Variants in TGFBR3 observed in about 807,000 individuals in gnomAD.
TGFBR3 encodes the protein transforming growth factor beta receptor 3.
Under a neutral mutation model 87.9 loss-of-function variants are expected in TGFBR3, and 46 were observed. The ratio of observed to expected loss-of-function variants is 0.52; its 90% CI spans 0.41 to 0.67. TGFBR3 has a LOEUF of 0.67. Ranked by LOEUF, TGFBR3 falls within the 30% of genes least tolerant of loss-of-function variation. The probability of loss-of-function intolerance (pLI) is 0.00; values close to 1 mark genes in which losing one functional copy is unlikely to be tolerated. For missense variants in TGFBR3, 866 were observed against 1,041.9 expected, an observed-to-expected ratio of 0.83 and a Z score of 2.32; for synonymous variants, 381 against 391.6, an observed-to-expected ratio of 0.97 and a Z score of 0.32.
intron 3 of TGFBR3, among the ~76,000 whole-genome samples, chr1:91,783,609 T>G (rs1425174144): frequency 6.6e-6 from 1 of 152,196 alleles, no homozygotes. Context: ...GACACACAAC[T>G]TCCTGTAGGA....
chr1:91,887,780 C>A (rs2479869), upstream of TGFBR3, among the ~76,000 whole-genome samples: 858 of 152,252 alleles, frequency 5.6e-3, 6 homozygotes, highest in African/African-American at 0.02. Context: ...CTCACTGAAC[C>A]ATTTTTTTCC....
At chr1:91,860,080 G>T (rs1303658261) in intron 2 of TGFBR3, among the ~76,000 whole-genome samples, 1 of 152,182 alleles carries the variant, frequency 6.6e-6, no homozygotes, top group African/African-American at 2.4e-5. Context: ...ACACAGAGGT[G>T]AAGAGCATAG....
At chr1:91,863,570 A>C (rs1678276656) in intron 1 of TGFBR3, among the ~76,000 whole-genome samples, 1 of 152,210 alleles carries the variant, frequency 6.6e-6, no homozygotes, top group Non-Finnish European at 1.5e-5. Flanking sequence ...ATTCTCTTTG[A>C]GCTATTTATA....
At chr1:91,845,733 A>G (rs866751994) in intron 2 of TGFBR3, among the ~76,000 whole-genome samples, 1 of 152,172 alleles carries the variant, frequency 6.6e-6, no homozygotes, top group African/African-American at 2.4e-5. Context: ...TTTAAACAGC[A>G]TCTTCCAACT....
chr1:91,794,257 G>A (rs958359422), intron 3 of TGFBR3, among the ~76,000 whole-genome samples: 6 of 151,664 alleles, frequency 4.0e-5, no homozygotes, highest in East Asian at 1.9e-4. Flanking sequence ...AGGCTGGAGT[G>A]CAGCAGCGCA....
chr1:91,796,419 G>A (rs1675384256), intron 3 of TGFBR3, among the ~76,000 whole-genome samples: 1 of 152,180 alleles, frequency 6.6e-6, no homozygotes, highest in African/African-American at 2.4e-5. Flanking sequence ...TAAATGCTGA[G>A]TAACTATGAG....
chr1:91,819,213 C>T (rs1369109961), intron 2 of TGFBR3, among the ~76,000 whole-genome samples: 1 of 152,070 alleles, frequency 6.6e-6, no homozygotes, highest in Non-Finnish European at 1.5e-5. Flanking sequence ...ACTAAGAATA[C>T]AAAAATTACC....
chr1:91,875,651 GC>G (rs1299523534), intron 1 of TGFBR3, among the ~76,000 whole-genome samples: 2 of 152,022 alleles, frequency 1.3e-5, no homozygotes, highest in East Asian at 3.9e-4. Flanking sequence ...ATTTTGGGAG[GC>G]TGAGGCAGGC....
intron 2 of TGFBR3, among the ~76,000 whole-genome samples, chr1:91,824,701 C>T (rs953617353): frequency 6.6e-6 from 1 of 152,172 alleles, no homozygotes; most frequent in Non-Finnish European, 1.5e-5. Context: ...GTAGCTCACA[C>T]CTGTAATCCC....
chr1:91,901,652 T>C (rs1053236296), intron 1 of TGFBR3, among the ~76,000 whole-genome samples: 3 of 151,930 alleles, frequency 2.0e-5, no homozygotes. Context: ...GCCAGGCTCA[T>C]GCCTGTAATC....
intron 3 of TGFBR3, among the ~76,000 whole-genome samples, chr1:91,796,539 C>G (rs1675388995): frequency 6.6e-6 from 1 of 152,162 alleles, no homozygotes; most frequent in South Asian, 2.1e-4. Context: ...GTACAAAGTA[C>G]CGCCATCTTT....
intron 2 of TGFBR3, among the ~76,000 whole-genome samples, chr1:91,851,158 G>C (rs888779917): frequency 2.6e-5 from 4 of 152,000 alleles, no homozygotes; most frequent in Non-Finnish European, 5.9e-5. Context: ...AGATGTTTAA[G>C]AGCTGGCAAG....
chr1:91,876,865 T>A (rs1678831097), intron 1 of TGFBR3, among the ~76,000 whole-genome samples: 1 of 152,036 alleles, frequency 6.6e-6, no homozygotes, highest in Non-Finnish European at 1.5e-5. Flanking sequence ...TTCTTTAAAA[T>A]GTGTGTCTAC....
intron 2 of TGFBR3, among the ~76,000 whole-genome samples, chr1:91,834,568 G>A (rs982899787): frequency 1.3e-5 from 2 of 152,154 alleles, no homozygotes; most frequent in African/African-American, 4.8e-5. Context: ...GTGGCTACTC[G>A]AGAAACAGCA....
intron 2 of TGFBR3, among the ~76,000 whole-genome samples, chr1:91,835,477 T>G (rs964050184): frequency 6.6e-6 from 1 of 152,110 alleles, no homozygotes; most frequent in Non-Finnish European, 1.5e-5. Flanking sequence ...AACAGGATAT[T>G]AGAAAGGTAG....
At chr1:91,817,982 T>C (rs1028627032) in intron 2 of TGFBR3, among the ~76,000 whole-genome samples, 1 of 152,244 alleles carries the variant, frequency 6.6e-6, no homozygotes, top group Middle Eastern at 3.4e-3. Context: ...ATAATGATCA[T>C]AAATAAAGCT....
intron 1 of TGFBR3, among the ~76,000 whole-genome samples, chr1:91,902,843 A>G (rs1201824249): frequency 2.0e-5 from 3 of 151,936 alleles, no homozygotes; most frequent in Admixed American, 1.3e-4. Flanking sequence ...TAGTTTAGGA[A>G]AGGAGACAGC....
At chr1:91,718,804 G>A (rs886926856) in intron 10 of TGFBR3, among the ~76,000 whole-genome samples, 5 of 152,312 alleles carry the variant, frequency 3.3e-5, no homozygotes, top group Middle Eastern at 6.8e-3. Context: ...TAGAGGTGGA[G>A]AGAGACTTAA....
chr1:91,789,906 G>C (rs549254440), intron 3 of TGFBR3, among the ~76,000 whole-genome samples: 1 of 152,186 alleles, frequency 6.6e-6, no homozygotes, highest in African/African-American at 2.4e-5. Context: ...ATTGCATTGA[G>C]TGTCTTCAAG....
Sources: gnomAD v4.1 joint callset for allele counts (sites outside exome capture counted in the v4.1 genomes callset) on GRCh38, gnomAD v4.1.1 for gene constraint, MANE v1.5 for transcripts, NCBI Gene and HGNC (gene_info 2026-07-23, HGNC 2026-07-21) for gene names.